The following ATE1 variants were observed in gnomAD, a reference collection of about 807,000 sequenced individuals.
ATE1 encodes arginyl-tRNA--protein transferase 1.
In ATE1, 36 loss-of-function variants were observed where a neutral mutation model predicts 70.5. The observed-to-expected ratio is 0.51, with a 90% CI of 0.39 to 0.67. The LOEUF is 0.67. Ranked by LOEUF, ATE1 falls within the 30% of genes least tolerant of loss-of-function variation. The pLI is 0.00. For missense variants in ATE1, 593 were observed against 629.5 expected (o/e 0.94, Z 0.62); for synonymous variants, 232 against 219.3 (o/e 1.06, Z -0.51).
At chr10:121,767,490 T>C (rs958852653) in intron 11 of ATE1, among the ~76,000 whole-genome samples, 4 of 12,312 alleles carry the variant, frequency 3.2e-4, no homozygotes, top group African/African-American at 1.4e-3. Flanking sequence ...ATGTAGAAAA[T>C]CTCAACAACC....
chr10:121,789,084 AG>A (rs907820841), intron 11 of ATE1, among the ~76,000 whole-genome samples: 4 of 152,224 alleles, frequency 2.6e-5, no homozygotes, highest in African/African-American at 9.6e-5. Flanking sequence ...TAATTTGGCT[AG>A]TGACCACCAA....
intron 7 of ATE1, among the ~76,000 whole-genome samples, chr10:121,899,245 A>G (rs1198827440): frequency 2.0e-5 from 3 of 152,016 alleles, no homozygotes; most frequent in Admixed American, 1.3e-4. Context: ...AACTAGAGTC[A>G]ATATTGTTGT....
At chr10:121,825,551 C>T (rs776040234) in intron 10 of ATE1, among the ~76,000 whole-genome samples, 2 of 152,262 alleles carry the variant, frequency 1.3e-5, no homozygotes, top group Non-Finnish European at 2.9e-5. Context: ...CTCTGACAAA[C>T]GAAACATGTG....
At chr10:121,764,389 C>T (rs900008164) in intron 11 of ATE1, among the ~76,000 whole-genome samples, 1 of 151,594 alleles carries the variant, frequency 6.6e-6, no homozygotes, top group African/African-American at 2.4e-5. Context: ...GTAATCCCAA[C>T]CCTTTGGGAC....
chr10:121,913,737 G>T, intron 4 of ATE1, 53 bp downstream of exon 4: 2 of 1,250,308 alleles, frequency 1.6e-6, no homozygotes, highest in East Asian at 2.3e-5. Context: ...GACTGAAAGT[G>T]GGACCGTTGC....
intron 5 of ATE1, among the ~76,000 whole-genome samples, chr10:121,905,931 T>C (rs182522878): frequency 2.6e-5 from 4 of 152,050 alleles, no homozygotes; most frequent in Middle Eastern, 3.4e-3. Flanking sequence ...AGAATGAAAA[T>C]AGATCATCAG....
In ATE1 at chr10:121,784,836, G is replaced by A. The variant is rs895280303; in HGVS notation, c.1378+5333C>T. On this transcript the variant is annotated intron_variant, in intron 11 of 11. Coordinates refer to ENST00000224652, the MANE Select transcript of ATE1 (RefSeq NM_001001976.3). ...ATCACGCCACTGCACTCCACCCTGG[G>A]TGACAGAGCAAGACTCCATCACAAA... 1.9e-4 allele frequency among the ~76,000 whole-genome samples: 29 copies of A among 152,160 alleles called. 2 individuals carry two copies. Among genetic ancestry groups the A allele is most frequent in the Admixed American group, 1.9e-3 (29 of 15,276 alleles).
chr10:121,911,442 T>TAAAAAA (rs371014661), intron 4 of ATE1, among the ~76,000 whole-genome samples: 20 of 128,314 alleles, frequency 1.6e-4, no homozygotes, highest in Non-Finnish European at 2.0e-4. Flanking sequence ...TACAGTAAAT[T>TAAAAAA]AAAAAAAAAA....
chr10:121,797,550 A>G (rs747621910), intron 10 of ATE1, among the ~76,000 whole-genome samples: 2 of 150,598 alleles, frequency 1.3e-5, no homozygotes, highest in Non-Finnish European at 2.9e-5. Flanking sequence ...TAAAAATAGA[A>G]TATTTCCTCA....
At chr10:121,859,267 T>A (rs1027434980) in intron 8 of ATE1, among the ~76,000 whole-genome samples, 122 of 151,216 alleles carry the variant, frequency 8.1e-4, no homozygotes, top group African/African-American at 2.8e-3. Flanking sequence ...TTTATTTTTT[T>A]TTTTTTTGAG....
intron 8 of ATE1, among the ~76,000 whole-genome samples, chr10:121,858,357 T>TG (rs201231217): frequency 6.6e-5 from 10 of 151,820 alleles, no homozygotes; most frequent in African/African-American, 1.2e-4. Context: ...ATTTTTTTTT[T>TG]ATAATAACCC....
In ATE1 at chr10:121,740,495, A is replaced by G. The variant is rs1383263005; in HGVS notation, c.*3185T>C. On this transcript the variant is annotated 3_prime_UTR_variant, in exon 12 of 12. Transcript: ENST00000224652. ...AGCTTGTTCAAAAAGCATATACAAG[A>G]GCAAAAAATACCACATGCAGTCAAA... The G allele has an allele frequency of 1.3e-5, 2 of 151,932 alleles. No individual in the cohort carries two copies. The highest frequency in any genetic ancestry group is 2.4e-5 in the African/African-American group (1 of 41,226). 9.4% of individuals were successfully genotyped at this position (151,932 alleles called of 1,614,324 possible).
Position 121,899,935 on chromosome 10 carries a change from A to G in ATE1, c.873T>C (p.Ser291=). 1 of 1,614,084 alleles carries G rather than the reference A, an allele frequency of 6.2e-7. No homozygotes were observed. The highest frequency in any genetic ancestry group is 8.5e-7 in the Non-Finnish European group (1 of 1,179,960). Residue 291 remains serine (S), a synonymous_variant, in exon 7 of 12, where the codon TCT becomes TCC. Transcript: ENST00000224652. Reference sequence around the variant, plus strand: ...TCTGGTAACGTTTATAGACCTGGTAAGACTCCAGAAGTGTGGCTTTGAACT... The same window carrying G: ...TCTGGTAACGTTTATAGACCTGGTAGGACTCCAGAAGTGTGGCTTTGAACT... ...SSQFKATLLE[S]YQVYKRYQMV...
chr10:121,824,878 G>T (rs1164017678), intron 10 of ATE1, among the ~76,000 whole-genome samples: 3 of 151,738 alleles, frequency 2.0e-5, no homozygotes, highest in Admixed American at 2.0e-4. Flanking sequence ...ATGAGAAGGG[G>T]TTAAAAAGAG....
chr10:121,786,216 T>G (rs1048335046), intron 11 of ATE1, among the ~76,000 whole-genome samples: 4 of 143,994 alleles, frequency 2.8e-5, no homozygotes, highest in South Asian at 2.3e-4. Context: ...TTTTTTTTTT[T>G]TTTTTTTTTT....
chr10:121,840,002 G>T (rs1326154521), intron 9 of ATE1, among the ~76,000 whole-genome samples: 1 of 152,098 alleles, frequency 6.6e-6, no homozygotes, highest in Non-Finnish European at 1.5e-5. Context: ...AGTAAACAGT[G>T]AGAAAAAGAG....
intron 6 of ATE1, 133 bp downstream of exon 6, chr10:121,902,258 T>C: frequency 1.2e-6 from 1 of 827,402 alleles, no homozygotes; most frequent in Non-Finnish European, 1.8e-6. Flanking sequence ...TTCCCAGTTC[T>C]CTTTAATTTC....
intron 7 of ATE1, among the ~76,000 whole-genome samples, chr10:121,895,933 A>T (rs1564937839): frequency 6.6e-6 from 1 of 152,148 alleles, no homozygotes; most frequent in Non-Finnish European, 1.5e-5. Flanking sequence ...CCAAAAAAAA[A>T]AAAATCAAAC....
rs192083103 is a variant in ATE1, at chr10:121,852,244, T to C, written c.976-10981A>G. 1.7e-4 allele frequency among the ~76,000 whole-genome samples: 26 copies of C among 152,338 alleles called. No homozygotes were observed. The East Asian group carries it at 4.4e-3, about 26-fold the overall frequency. On this transcript the variant is annotated intron_variant, in intron 8 of 11. Transcript: ENST00000224652. ...AGCAGCTGAAAATACCTCTCCCACA[T>C]TGTACCTGTACAATACAAAAATCTA...
Sources: gnomAD v4.1 joint callset for allele counts (sites outside exome capture counted in the v4.1 genomes callset) on GRCh38, gnomAD v4.1.1 for gene constraint, MANE v1.5 for transcripts, NCBI Gene and HGNC (gene_info 2026-07-23, HGNC 2026-07-21) for gene names.